USP25: variants seen among roughly 807,000 people sequenced by gnomAD.
USP25 encodes the protein ubiquitin carboxyl-terminal hydrolase 25.
USP25 carries 85 observed loss-of-function variants against 158.5 expected under a neutral mutation model. That is an observed-to-expected ratio of 0.54 (90% CI 0.45 to 0.64). The LOEUF (loss-of-function observed/expected upper bound fraction) is 0.64. Among genes scored for constraint, USP25 ranks in the 30% least tolerant of loss-of-function variants. The pLI, the probability that USP25 is intolerant of heterozygous loss-of-function variation, is 0.00. For missense variants in USP25, 1,242 were observed against 1,327.3 expected (o/e 0.94, Z 1.00); for synonymous variants, 464 against 460.4 (o/e 1.01, Z -0.10).
intron 1 of USP25, among the ~76,000 whole-genome samples, chr21:15,751,903 A>G (rs1358504707): frequency 2.0e-5 from 3 of 152,170 alleles, no homozygotes; most frequent in Non-Finnish European, 4.4e-5. Flanking sequence ...CTACTAATTA[A>G]TAGGGATGGG....
chr21:15,834,318 C>T (rs563854663), intron 17 of USP25, among the ~76,000 whole-genome samples: 10 of 152,010 alleles, frequency 6.6e-5, no homozygotes, highest in Non-Finnish European at 8.8e-5. Context: ...TGTTTTAGGG[C>T]AACATGTTTT....
intron 6 of USP25, among the ~76,000 whole-genome samples, chr21:15,801,899 T>G (rs940934194): frequency 2.6e-5 from 4 of 151,618 alleles, no homozygotes; most frequent in African/African-American, 4.8e-5. Flanking sequence ...TTAAGTAGAC[T>G]TGGCAATTGC....
chr21:15,820,154 A>G (rs935487075), intron 10 of USP25, among the ~76,000 whole-genome samples: 22 of 152,084 alleles, frequency 1.4e-4, no homozygotes, highest in African/African-American at 4.8e-4. Context: ...GTATCCCACA[A>G]TGGAATAAGA....
At chr21:15,746,441 A>C (rs79557084) in intron 1 of USP25, among the ~76,000 whole-genome samples, 5,607 of 151,490 alleles carry the variant, frequency 0.037, 328 homozygotes, top group African/African-American at 0.13. Flanking sequence ...TTTTATTTTT[A>C]TTTTTTTTGA....
chr21:15,831,118 A>G (rs2037777191), intron 15 of USP25, among the ~76,000 whole-genome samples: 1 of 152,206 alleles, frequency 6.6e-6, no homozygotes, highest in South Asian at 2.1e-4. Context: ...TCAAATAAAC[A>G]ATTAGGCCAA....
chr21:15,869,618 TTAAA>T (rs2039802438), intron 22 of USP25, among the ~76,000 whole-genome samples: 1 of 152,178 alleles, frequency 6.6e-6, no homozygotes, highest in Admixed American at 6.5e-5. Flanking sequence ...AGTTAAAAGG[TTAAA>T]TAAATCTAAC....
At chr21:15,845,164 C>T (rs1424737081) in intron 18 of USP25, among the ~76,000 whole-genome samples, 1 of 151,996 alleles carries the variant, frequency 6.6e-6, no homozygotes, top group Non-Finnish European at 1.5e-5. Context: ...TTAATGTGGC[C>T]GTGGACTTAG....
intron 1 of USP25, among the ~76,000 whole-genome samples, chr21:15,750,040 G>A (rs1040412833): frequency 1.3e-5 from 2 of 151,970 alleles, no homozygotes; most frequent in African/African-American, 4.8e-5. Context: ...TTCAGGGTGG[G>A]TACTCTTTAC....
At chr21:15,869,465 T>C (rs924743661) in intron 22 of USP25, among the ~76,000 whole-genome samples, 14 of 152,152 alleles carry the variant, frequency 9.2e-5, no homozygotes, top group African/African-American at 3.1e-4. Flanking sequence ...CTTAGAATTA[T>C]TTAGTCCTAT....
rs1194653073 is a variant in USP25, at chr21:15,846,156, A to ATT, written c.2338-1506_2338-1505insTT. On this transcript the variant is annotated intron_variant, in intron 18 of 25. Coordinates refer to ENST00000400183, the MANE Select transcript of USP25 (RefSeq NM_001283041.3). Reference sequence around the variant, plus strand: ...TATATATATATATATATATATATATATATTTTTTTTTTTTTTTTTTTTTTG... The same window carrying ATT: ...TATATATATATATATATATATATATATTTATTTTTTTTTTTTTTTTTTTTTTG... 8.5e-3 allele frequency among the ~76,000 whole-genome samples: 158 copies of ATT among 18,506 alleles called. 2 individuals are homozygous for ATT. Among genetic ancestry groups the ATT allele is most frequent in the Non-Finnish European group, 0.011 (129 of 11,508 alleles). 12.1% of individuals were successfully genotyped at this position (18,506 alleles called of 152,430 possible).
At chr21:15,796,224 A>G (rs1262654524) in intron 5 of USP25, among the ~76,000 whole-genome samples, 2 of 151,506 alleles carry the variant, frequency 1.3e-5, no homozygotes, top group African/African-American at 2.4e-5. Flanking sequence ...GGTGAAGGAT[A>G]TAGGGTCTTT....
chr21:15,814,947 C>T (rs1190864578), intron 9 of USP25, among the ~76,000 whole-genome samples: 1 of 152,176 alleles, frequency 6.6e-6, no homozygotes, highest in African/African-American at 2.4e-5. Flanking sequence ...TGTTATAGGT[C>T]TTCCTGGCAG....
At chr21:15,789,557 A>AT (rs573848682) in intron 4 of USP25, among the ~76,000 whole-genome samples, 2 of 152,010 alleles carry the variant, frequency 1.3e-5, no homozygotes, top group Non-Finnish European at 2.9e-5. Context: ...AGCAGTTTAT[A>AT]TTTTAGAATA....
intron 3 of USP25, among the ~76,000 whole-genome samples, chr21:15,768,863 C>T (rs2034187944): frequency 6.6e-6 from 1 of 151,862 alleles, no homozygotes; most frequent in African/African-American, 2.4e-5. Flanking sequence ...CTCTTAAAAC[C>T]AGGGCTAAAG....
intron 1 of USP25, among the ~76,000 whole-genome samples, chr21:15,736,530 AG>A (rs2031536863): frequency 6.6e-6 from 1 of 152,110 alleles, no homozygotes; most frequent in South Asian, 2.1e-4. Context: ...TTTGATGGAT[AG>A]ACCAAATTTT....
intron 20 of USP25, among the ~76,000 whole-genome samples, chr21:15,863,772 C>T (rs948888351): frequency 6.6e-6 from 1 of 150,978 alleles, no homozygotes; most frequent in African/African-American, 2.4e-5. Context: ...GCACGTGGCT[C>T]ACGCCTGTAA....
intron 14 of USP25, 93 bp from the exon 15 acceptor site, chr21:15,830,438 C>A: frequency 2.8e-6 from 3 of 1,072,624 alleles, no homozygotes; most frequent in Non-Finnish European, 2.7e-6. Context: ...TTTTCCTATT[C>A]CTCTAACATG....
At chr21:15,738,857 A>ATT (rs2031769851) in intron 1 of USP25, among the ~76,000 whole-genome samples, 1 of 152,186 alleles carries the variant, frequency 6.6e-6, no homozygotes, top group African/African-American at 2.4e-5. Context: ...GATTACAGAC[A>ATT]TTGCACAGAC....
chr21:15,772,663 C>T (rs1247706697), intron 3 of USP25, among the ~76,000 whole-genome samples: 7 of 152,264 alleles, frequency 4.6e-5, no homozygotes, highest in African/African-American at 9.6e-5. Flanking sequence ...AATATCTGAG[C>T]GCTAGTTTTT....
Sources: gnomAD v4.1 joint callset for allele counts (sites outside exome capture counted in the v4.1 genomes callset) on GRCh38, gnomAD v4.1.1 for gene constraint, MANE v1.5 for transcripts, NCBI Gene and HGNC (gene_info 2026-07-23, HGNC 2026-07-21) for gene names.